The following TULP4 variants were observed in gnomAD, a reference collection of about 807,000 sequenced individuals.
The protein encoded by TULP4 is TUB like protein 4.
TULP4 carries 16 observed loss-of-function variants against 129.0 expected under a neutral mutation model. The ratio of observed to expected loss-of-function variants is 0.12; its 90% CI spans 0.08 to 0.19. The LOEUF is 0.19. Ranked by LOEUF, TULP4 falls within the 10% of genes least tolerant of loss-of-function variation. TULP4 has a pLI of 1.00. For missense variants in TULP4, 1,842 were observed against 2,059.1 expected (o/e 0.89, Z 2.04); for synonymous variants, 998 against 854.0 (o/e 1.17, Z -2.94).
At chr6:158,379,281 A>G (rs1395781399) in intron 1 of TULP4, among the ~76,000 whole-genome samples, 1 of 152,196 alleles carries the variant, frequency 6.6e-6, no homozygotes, top group East Asian at 1.9e-4. Context: ...CTGTGGCCAG[A>G]GTTGCCCCAA....
chr6:158,258,982 C>A (rs988078470), intron 1 of TULP4, among the ~76,000 whole-genome samples: 2 of 152,202 alleles, frequency 1.3e-5, no homozygotes. Context: ...GTAATCCCAG[C>A]ACTTTGGGAG....
intron 3 of TULP4, among the ~76,000 whole-genome samples, chr6:158,435,840 T>C (rs769221353): frequency 3.3e-5 from 5 of 151,942 alleles, no homozygotes; most frequent in Non-Finnish European, 7.4e-5. Context: ...TGCACTCTTA[T>C]CTTGCTTATC....
At chr6:158,376,152 A>C (rs1342457506) in intron 1 of TULP4, among the ~76,000 whole-genome samples, 8 of 152,170 alleles carry the variant, frequency 5.3e-5, no homozygotes. Flanking sequence ...CTCATGTTGC[A>C]GTTGTCTATT....
At chr6:158,466,782 C>T (rs1345337316) in intron 6 of TULP4, among the ~76,000 whole-genome samples, 3 of 152,200 alleles carry the variant, frequency 2.0e-5, no homozygotes, top group Admixed American at 6.5e-5. Context: ...AGTGATGACA[C>T]AGAAATGCTT....
intron 3 of TULP4, among the ~76,000 whole-genome samples, chr6:158,435,504 C>T (rs900303288): frequency 1.3e-5 from 2 of 152,164 alleles, no homozygotes; most frequent in Non-Finnish European, 2.9e-5. Flanking sequence ...GCTGTCATCT[C>T]CCTCCCCGGC....
chr6:158,377,302 A>T (rs1396256725), intron 1 of TULP4, among the ~76,000 whole-genome samples: 2 of 152,202 alleles, frequency 1.3e-5, no homozygotes, highest in African/African-American at 4.8e-5. Flanking sequence ...CCCACCACAT[A>T]GGTATGATTT....
At chr6:158,373,469 T>C (rs2795827) in intron 1 of TULP4, among the ~76,000 whole-genome samples, 70,406 of 152,084 alleles carry the variant, frequency 0.46, 16,591 homozygotes, top group South Asian at 0.57. Context: ...AGTGTGGCAG[T>C]CGAATCAGTC....
At chr6:158,362,258 C>T (rs1255072496) in intron 1 of TULP4, among the ~76,000 whole-genome samples, 1 of 152,204 alleles carries the variant, frequency 6.6e-6, no homozygotes, top group Non-Finnish European at 1.5e-5. Context: ...CAAACTTCTT[C>T]CAGTGAAGTC....
intron 3 of TULP4, among the ~76,000 whole-genome samples, chr6:158,440,455 CT>C (rs1473817381): frequency 1.3e-5 from 2 of 152,090 alleles, no homozygotes; most frequent in Admixed American, 1.3e-4. Flanking sequence ...AGTGGAGCTG[CT>C]GCTCATAGCT....
intron 6 of TULP4, among the ~76,000 whole-genome samples, chr6:158,475,345 A>G (rs1306107625): frequency 6.6e-6 from 1 of 152,254 alleles, no homozygotes; most frequent in Non-Finnish European, 1.5e-5. Flanking sequence ...CACTCCCTGA[A>G]ATGCAGCTCA....
In TULP4 at chr6:158,313,836, A is replaced by T; in HGVS notation, c.-181A>T. 1.6e-6 allele frequency: 1 copy of T among 640,058 alleles called. No homozygotes were observed. 39.6% of individuals were successfully genotyped at this position (640,058 alleles called of 1,614,324 possible). On this transcript the variant is annotated 5_prime_UTR_variant, in exon 1 of 14. It removes an upstream start codon present in the reference 5' UTR. Coordinates refer to ENST00000367097, the MANE Select transcript of TULP4 (RefSeq NM_020245.5). ...TCTTTTATAGAGGAATTTTTTCACT[A>T]TGCATTCGGTGGATCTTTATAAAAT...
chr6:158,329,841 T>G (rs1280758552), intron 1 of TULP4, among the ~76,000 whole-genome samples: 1 of 151,876 alleles, frequency 6.6e-6, no homozygotes, highest in Non-Finnish European at 1.5e-5. Flanking sequence ...TTTTCAAGAT[T>G]GAAAACACCT....
intron 1 of TULP4, among the ~76,000 whole-genome samples, chr6:158,291,538 C>T (rs569820356): frequency 6.4e-4 from 97 of 152,118 alleles, no homozygotes; most frequent in Admixed American, 1.2e-3. Context: ...ATTTCTCCTG[C>T]GTGGCATATA....
chr6:158,315,179 C>T (rs1336654517), intron 1 of TULP4, among the ~76,000 whole-genome samples: 1 of 152,070 alleles, frequency 6.6e-6, no homozygotes, highest in Admixed American at 6.6e-5. Context: ...TCCATTTGTG[C>T]TACTATAACA....
At chr6:158,371,112 C>A (rs540817615) in intron 1 of TULP4, among the ~76,000 whole-genome samples, 2 of 152,302 alleles carry the variant, frequency 1.3e-5, no homozygotes, top group East Asian at 3.9e-4. Flanking sequence ...GGAGTGGGAT[C>A]ATGACCTTCT....
At chr6:158,304,005 C>T (rs1395340776) in intron 1 of TULP4, among the ~76,000 whole-genome samples, 1 of 151,960 alleles carries the variant, frequency 6.6e-6, no homozygotes, top group Non-Finnish European at 1.5e-5. Context: ...TCAGATAACA[C>T]AAAACAAATT....
rs3085241 is a variant in TULP4, at chr6:158,368,066, C to CAAAAAAAAAAAAAAAAAAAAAAAA, written c.253-44977_253-44976insAAAAAAAAAAAAAAAAAAAAAAAA. On this transcript the variant is annotated intron_variant, in intron 1 of 13. Coordinates refer to ENST00000367097, the MANE Select transcript of TULP4 (RefSeq NM_020245.5). ...ACTCCAGCCTGGGTGACCCTGTCTC[C>CAAAAAAAAAAAAAAAAAAAAAAAA]AAAAAAAAAAAAAAAAAAAAAAGGA... Among the ~76,000 whole-genome samples, 3 of 65,018 alleles carry CAAAAAAAAAAAAAAAAAAAAAAAA rather than the reference C, an allele frequency of 4.6e-5. 1 individual carries two copies. Among genetic ancestry groups the CAAAAAAAAAAAAAAAAAAAAAAAA allele is most frequent in the Non-Finnish European group, 5.8e-5 (2 of 34,468 alleles). The allele number at this position is 65,018 out of a possible 152,430, so 42.7% of individuals were successfully genotyped here. A position where few individuals can be genotyped will look rare whatever the true frequency, so the allele number is the denominator to read the frequency against.
intron 1 of TULP4, among the ~76,000 whole-genome samples, chr6:158,323,463 G>A (rs1449586653): frequency 1.3e-5 from 2 of 152,196 alleles, no homozygotes; most frequent in African/African-American, 4.8e-5. Flanking sequence ...CAGCATTAAT[G>A]ACTCATTTTA....
intron 1 of TULP4, among the ~76,000 whole-genome samples, chr6:158,392,606 A>C (rs1777609199): frequency 6.6e-6 from 1 of 151,914 alleles, no homozygotes; most frequent in Non-Finnish European, 1.5e-5. Context: ...ATATCTGCTC[A>C]CATCTCAGGG....
Sources: allele counts gnomAD v4.1 joint callset (sites outside exome capture counted in the v4.1 genomes callset), GRCh38; gene constraint gnomAD v4.1.1; transcripts MANE v1.5; gene names NCBI Gene and HGNC (gene_info 2026-07-23, HGNC 2026-07-21).